Variants in SLC35F2 observed in about 807,000 individuals in gnomAD.
SLC35F2 encodes the protein queuine/queuosine transporter SLC35F2.
A neutral mutation model predicts 38.1 loss-of-function variants in SLC35F2; 25 were observed. That is an observed-to-expected ratio of 0.66 (90% CI 0.48 to 0.92). SLC35F2 has a LOEUF of 0.92. SLC35F2 is among the 40% of genes least tolerant of loss of function. The pLI, the probability that SLC35F2 is intolerant of heterozygous loss-of-function variation, is 0.00. For synonymous variants in SLC35F2, 173 were observed against 181.7 expected, an observed-to-expected ratio of 0.95 and a Z score of 0.38; for missense variants, 409 against 452.9, an observed-to-expected ratio of 0.90 and a Z score of 0.88.
intron 1 of SLC35F2, chr11:107,840,538 T>C (rs773008789): frequency 7.9e-5 from 12 of 152,362 alleles, no homozygotes; most frequent in Non-Finnish European, 1.6e-4. Flanking sequence ...CTTTCAACAC[T>C]TGAGGGGTTT....
intron 1 of SLC35F2, among the ~76,000 whole-genome samples, chr11:107,848,006 A>C (rs1390713306): frequency 1.3e-5 from 2 of 152,208 alleles, no homozygotes; most frequent in Non-Finnish European, 2.9e-5. Flanking sequence ...GAGAAGTCAA[A>C]TTCATAGAGA....
chr11:107,806,132 T>C (rs1859386196), intron 4 of SLC35F2, among the ~76,000 whole-genome samples: 1 of 152,220 alleles, frequency 6.6e-6, no homozygotes. Flanking sequence ...TCTGGTGCAA[T>C]TCTGCTGTAA....
At chr11:107,851,068 G>T (rs1413637190) in intron 1 of SLC35F2, among the ~76,000 whole-genome samples, 4 of 151,810 alleles carry the variant, frequency 2.6e-5, no homozygotes, top group East Asian at 1.9e-4. Context: ...TTCGAGACCA[G>T]CCTGGCCAAT....
At chr11:107,834,376 C>T (rs1427426258) in intron 1 of SLC35F2, among the ~76,000 whole-genome samples, 10 of 152,238 alleles carry the variant, frequency 6.6e-5, no homozygotes, top group African/African-American at 2.4e-4. Context: ...AGCGGCTGGG[C>T]GCGGTGGCTC....
chr11:107,818,120 GAAAGAAAGAAAGAAAA>G (rs1565433262), intron 1 of SLC35F2, among the ~76,000 whole-genome samples: 3 of 143,442 alleles, frequency 2.1e-5, no homozygotes, highest in Non-Finnish European at 4.6e-5. Flanking sequence ...AAGAAAGAAA[GAAAGAAAGAAAGAAAA>G]AGAAACAATT....
chr11:107,795,120 A>G (rs1859197566), intron 7 of SLC35F2, among the ~76,000 whole-genome samples: 1 of 152,228 alleles, frequency 6.6e-6, no homozygotes, highest in South Asian at 2.1e-4. Flanking sequence ...TACTGCCCAA[A>G]GCAATCTATA....
chr11:107,826,338 T>A (rs1374023348), intron 1 of SLC35F2, among the ~76,000 whole-genome samples: 1 of 151,682 alleles, frequency 6.6e-6, no homozygotes, highest in Non-Finnish European at 1.5e-5. Flanking sequence ...GTGCAATAGC[T>A]CGATCTGGGC....
At chr11:107,796,113 A>G (rs1466800435) in intron 7 of SLC35F2, among the ~76,000 whole-genome samples, 2 of 152,222 alleles carry the variant, frequency 1.3e-5, no homozygotes, top group African/African-American at 4.8e-5. Flanking sequence ...TGGGCAACAG[A>G]GCAAAAACTC....
chr11:107,804,880 G>T, intron 5 of SLC35F2, 110 bp from the exon 6 acceptor site: 1 of 1,174,754 alleles, frequency 8.5e-7, no homozygotes, highest in South Asian at 1.4e-5. Flanking sequence ...ATGGACATTT[G>T]AATTTGTCTT....
intron 1 of SLC35F2, among the ~76,000 whole-genome samples, chr11:107,850,885 C>T (rs1163778830): frequency 2.0e-5 from 3 of 151,792 alleles, no homozygotes; most frequent in African/African-American, 7.3e-5. Context: ...CAGTGTCTCA[C>T]ACCTGTAATC....
chr11:107,843,974 A>C (rs1860062694), intron 1 of SLC35F2, among the ~76,000 whole-genome samples: 1 of 148,982 alleles, frequency 6.7e-6, no homozygotes, highest in Admixed American at 6.8e-5. Context: ...ATTATGATTA[A>C]TCCATTTCCA....
At chr11:107,821,395 G>A (rs1468258079) in intron 1 of SLC35F2, 1 of 984,186 alleles carries the variant, frequency 1.0e-6, no homozygotes, top group Non-Finnish European at 1.2e-6. Context: ...CACTTCTCTT[G>A]GCTCCAAATC....
At chr11:107,851,869 C>T (rs947629451) in intron 1 of SLC35F2, among the ~76,000 whole-genome samples, 3 of 152,136 alleles carry the variant, frequency 2.0e-5, no homozygotes, top group African/African-American at 7.2e-5. Context: ...ACAAAAGATC[C>T]CTAACTTTAC....
At chr11:107,844,258 T>A (rs1860066339) in intron 1 of SLC35F2, among the ~76,000 whole-genome samples, 1 of 152,246 alleles carries the variant, frequency 6.6e-6, no homozygotes, top group East Asian at 1.9e-4. Flanking sequence ...CAAAATTACC[T>A]CACCTCTCCG....
At chr11:107,809,868 A>G (rs1859455905) in intron 3 of SLC35F2, 4 of 985,406 alleles carry the variant, frequency 4.1e-6, no homozygotes. Context: ...AAAGGACTGC[A>G]TTCTAGGAAG....
At position 107,806,852 on chromosome 11, in the gene SLC35F2, C is replaced by G; in HGVS notation, c.439G>C (p.Val147Leu). The G allele has an allele frequency of 6.2e-7, 1 of 1,613,976 alleles. No individual in the cohort carries two copies. The highest frequency in any genetic ancestry group is 1.1e-5 in the South Asian group (1 of 91,060). ...VQLLDCFGIP[V>L]LMALSWFILH... Reference sequence around the variant, plus strand: ...ATAAACCATGACAGAGCCATCAACACAGGAATCCCAAAGCAATCCAAAAGC... The same window carrying G: ...ATAAACCATGACAGAGCCATCAACAGAGGAATCCCAAAGCAATCCAAAAGC... Residue 147 changes from valine (V) to leucine (L), a missense_variant, in exon 4 of 8, where the codon GTG becomes CTG. Transcript: ENST00000525815.
At position 107,805,433 on chromosome 11, in the gene SLC35F2, G is replaced by T; in HGVS notation, c.657C>A (p.Ile219=). ...ACTCCTGTCTGCTCAGCTTCTTCACGATGTATTCCTCACAAACATTTGAAA... is the reference window on the plus strand; with the variant it reads ...ACTCCTGTCTGCTCAGCTTCTTCACTATGTATTCCTCACAAACATTTGAAA... ...YAISNVCEEY[I]VKKLSRQEFL... Residue 219 remains isoleucine (I), a synonymous_variant, in exon 5 of 8, where the codon ATC becomes ATA. Coordinates refer to ENST00000525815, the MANE Select transcript of SLC35F2 (RefSeq NM_017515.5). 2 of 1,614,066 alleles carry T rather than the reference G, an allele frequency of 1.2e-6. No individual in the cohort carries two copies. The highest frequency in any genetic ancestry group is 1.7e-6 in the Non-Finnish European group (2 of 1,180,000).
chr11:107,805,091 T>C, intron 5 of SLC35F2: 4 of 985,430 alleles, frequency 4.1e-6, no homozygotes, highest in South Asian at 4.7e-5. Flanking sequence ...AAAAACTCCT[T>C]ACTGGCAAAT....
intron 1 of SLC35F2, among the ~76,000 whole-genome samples, chr11:107,855,450 C>T (rs1465131746): frequency 6.6e-6 from 1 of 151,992 alleles, no homozygotes; most frequent in Admixed American, 6.6e-5. Flanking sequence ...GTTGGGAGTT[C>T]GAGAACAGCC....
Sources: allele counts gnomAD v4.1 joint callset (sites outside exome capture counted in the v4.1 genomes callset), GRCh38; gene constraint gnomAD v4.1.1; transcripts MANE v1.5; gene names NCBI Gene and HGNC (gene_info 2026-07-23, HGNC 2026-07-21).